Variants in EFCAB11 observed in about 807,000 individuals in gnomAD.
EFCAB11 encodes the protein EF-hand calcium binding domain 11, also known as EF-hand calcium-binding domain-containing protein 11.
EFCAB11 carries 14 observed loss-of-function variants against 23.0 expected under a neutral mutation model. The ratio of observed to expected loss-of-function variants is 0.61; its 90% CI spans 0.40 to 0.95. The LOEUF (loss-of-function observed/expected upper bound fraction) is 0.95, where lower values mean the gene tolerates loss of function less well. EFCAB11 is among the 40% of genes least tolerant of loss of function. The probability of loss-of-function intolerance (pLI) is 0.00; values close to 1 mark genes in which losing one functional copy is unlikely to be tolerated. For synonymous variants in EFCAB11, 65 were observed against 66.6 expected, an observed-to-expected ratio of 0.98 and a Z score of 0.11; for missense variants, 198 against 195.8, an observed-to-expected ratio of 1.01 and a Z score of -0.07.
intron 5 of EFCAB11, among the ~76,000 whole-genome samples, chr14:89,874,216 AGCT>A (rs1284862106): frequency 6.6e-5 from 10 of 152,294 alleles, no homozygotes; most frequent in African/African-American, 1.9e-4. Context: ...CAATGGTTTC[AGCT>A]GTATATTGGC....
At chr14:89,924,449 A>C (rs1566813183) in intron 5 of EFCAB11, 1 of 1,362,378 alleles carries the variant, frequency 7.3e-7, no homozygotes, top group East Asian at 2.9e-5. Context: ...GGGAAGCAAA[A>C]GCAGCTTCCC....
intron 5 of EFCAB11, among the ~76,000 whole-genome samples, chr14:89,817,828 T>C (rs1400814296): frequency 6.6e-6 from 1 of 152,022 alleles, no homozygotes; most frequent in Non-Finnish European, 1.5e-5. Context: ...ACCCCGTCTC[T>C]ACTAAAAATA....
At chr14:89,820,858 G>A (rs750169654) in intron 5 of EFCAB11, among the ~76,000 whole-genome samples, 1 of 151,608 alleles carries the variant, frequency 6.6e-6, no homozygotes, top group Non-Finnish European at 1.5e-5. Flanking sequence ...TGCTATGAAG[G>A]TAATTTTTAG....
chr14:89,878,021 A>C (rs547104528), intron 5 of EFCAB11, among the ~76,000 whole-genome samples: 9 of 152,332 alleles, frequency 5.9e-5, no homozygotes, highest in African/African-American at 2.2e-4. Flanking sequence ...TGTGTTATTA[A>C]ATCTGTACCT....
At chr14:89,905,948 A>G (rs2140208841) in intron 5 of EFCAB11, among the ~76,000 whole-genome samples, 1 of 152,286 alleles carries the variant, frequency 6.6e-6, no homozygotes, top group South Asian at 2.1e-4. Flanking sequence ...AAGAACAACA[A>G]GGGATGAGGA....
chr14:89,875,411 T>G (rs1215702764), intron 5 of EFCAB11, among the ~76,000 whole-genome samples: 11 of 151,998 alleles, frequency 7.2e-5, no homozygotes. Flanking sequence ...AGCCAAACCA[T>G]ATAGCCACAC....
At chr14:89,882,131 A>G (rs1015230634) in intron 5 of EFCAB11, among the ~76,000 whole-genome samples, 1 of 152,184 alleles carries the variant, frequency 6.6e-6, no homozygotes, top group African/African-American at 2.4e-5. Context: ...CCTAACATGA[A>G]TCTTACAATC....
chr14:89,932,378 T>C, intron 4 of EFCAB11, 148 bp downstream of exon 4: 5 of 606,028 alleles, frequency 8.3e-6, no homozygotes, highest in South Asian at 7.3e-5. Flanking sequence ...GAGAAAAAAA[T>C]GTGCATCAAT....
intron 5 of EFCAB11, among the ~76,000 whole-genome samples, chr14:89,866,122 C>T (rs1402780091): frequency 2.6e-5 from 4 of 152,092 alleles, no homozygotes; most frequent in African/African-American, 9.7e-5. Flanking sequence ...TTTGTCTGAT[C>T]CTGCTTGACT....
At chr14:89,912,758 G>A (rs189732590) in intron 5 of EFCAB11, among the ~76,000 whole-genome samples, 3 of 152,274 alleles carry the variant, frequency 2.0e-5, no homozygotes, top group East Asian at 3.9e-4. Context: ...CTTAAGAAAC[G>A]GGAACAACAA....
chr14:89,851,796 G>A (rs567697647), intron 5 of EFCAB11, among the ~76,000 whole-genome samples: 39 of 152,220 alleles, frequency 2.6e-4, no homozygotes, highest in Non-Finnish European at 5.0e-4. Context: ...AAAGAGACGC[G>A]GGTCTAAGGC....
chr14:89,872,762 T>A (rs569625864), intron 5 of EFCAB11, among the ~76,000 whole-genome samples: 1 of 151,928 alleles, frequency 6.6e-6, no homozygotes, highest in African/African-American at 2.4e-5. Context: ...TATGACTGTA[T>A]CCTTATGAGA....
At chr14:89,930,873 T>C (rs1869478749) in intron 5 of EFCAB11, among the ~76,000 whole-genome samples, 1 of 152,238 alleles carries the variant, frequency 6.6e-6, no homozygotes, top group Admixed American at 6.5e-5. Flanking sequence ...GAGCTCATGC[T>C]GGGAGTCAGA....
intron 5 of EFCAB11, among the ~76,000 whole-genome samples, chr14:89,915,513 A>T (rs949532691): frequency 1.7e-4 from 26 of 152,240 alleles, no homozygotes; most frequent in African/African-American, 6.0e-4. Context: ...TGTTTGGTTC[A>T]TTAAGAGAGG....
At chr14:89,903,369 C>T (rs1399385393) in intron 5 of EFCAB11, among the ~76,000 whole-genome samples, 1 of 152,102 alleles carries the variant, frequency 6.6e-6, no homozygotes, top group African/African-American at 2.4e-5. Context: ...AGCCAAAGAT[C>T]ATTCTGTCTG....
At chr14:89,941,740 G>T (rs890675051) in intron 3 of EFCAB11, among the ~76,000 whole-genome samples, 5 of 151,566 alleles carry the variant, frequency 3.3e-5, no homozygotes, top group African/African-American at 9.7e-5. Context: ...TCTAAAATGG[G>T]GATAGCCAGG....
intron 5 of EFCAB11, among the ~76,000 whole-genome samples, chr14:89,866,087 A>T (rs1013223342): frequency 3.3e-5 from 5 of 152,160 alleles, no homozygotes; most frequent in Admixed American, 6.5e-5. Flanking sequence ...GCCTGGCCTG[A>T]CAAAATTTTT....
chr14:89,831,293 G>A (rs1003144291), intron 5 of EFCAB11: 6 of 152,236 alleles, frequency 3.9e-5, no homozygotes, highest in Non-Finnish European at 8.8e-5. Flanking sequence ...AGGTTTTGGG[G>A]AGAAGATGAG....
At chr14:89,928,001 G>A (rs1223975982) in intron 5 of EFCAB11, among the ~76,000 whole-genome samples, 2 of 152,180 alleles carry the variant, frequency 1.3e-5, no homozygotes, top group Non-Finnish European at 2.9e-5. Context: ...GGGATTACAG[G>A]TGCAAGCCAC....
Sources: allele counts gnomAD v4.1 joint callset (sites outside exome capture counted in the v4.1 genomes callset), GRCh38; gene constraint gnomAD v4.1.1; transcripts MANE v1.5; gene names NCBI Gene and HGNC (gene_info 2026-07-23, HGNC 2026-07-21).